ARVCF: variants seen among roughly 807,000 people sequenced by gnomAD.
The protein encoded by ARVCF is splicing regulator ARVCF.
Under a neutral mutation model 90.9 loss-of-function variants are expected in ARVCF, and 66 were observed. That is an observed-to-expected ratio of 0.73 (90% CI 0.60 to 0.89). The LOEUF (loss-of-function observed/expected upper bound fraction) is 0.89. Ranked by LOEUF, ARVCF falls within the 40% of genes least tolerant of loss-of-function variation. ARVCF has a pLI of 0.00. For missense variants in ARVCF, 1,469 were observed against 1,382.3 expected (o/e 1.06, Z -1.00); for synonymous variants, 653 against 603.4 (o/e 1.08, Z -1.21).
At chr22:19,973,423 C>T in intron 13 of ARVCF, 106 bp from the exon 14 acceptor site, 2 of 1,402,766 alleles carry the variant, frequency 1.4e-6, no homozygotes, top group African/African-American at 2.9e-5. Context: ...CCCCTGGAGA[C>T]CGCCTGTGTG....
chr22:19,973,600 G>A, intron 13 of ARVCF, 43 bp downstream of exon 13: 2 of 1,573,564 alleles, frequency 1.3e-6, no homozygotes, highest in Non-Finnish European at 1.7e-6. Context: ...AAAGCTGCAG[G>A]CACAGTTCGG....
At chr22:20,007,800 T>C (rs1410649123) in intron 2 of ARVCF, among the ~76,000 whole-genome samples, 1 of 152,230 alleles carries the variant, frequency 6.6e-6, no homozygotes, top group Non-Finnish European at 1.5e-5. Flanking sequence ...GACTTCCCCA[T>C]CTCCAAAATT....
rs80071779 is a variant in ARVCF at position 19,981,031 on chromosome 22, C to T, written c.896+180G>A. On this transcript the variant is annotated intron_variant, in intron 5 of 19. Transcript: ENST00000263207. ...CTGGGCCTGCAGGACAGTGCCCAGC[C>T]GAACTCCTACCACCCCAGGGTCCAC... 4,510 of 799,520 alleles carry T rather than the reference C, an allele frequency of 5.6e-3. 151 individuals are homozygous for T. The African/African-American group carries it at 0.068, about 12-fold the overall frequency. 49.5% of individuals were successfully genotyped at this position (799,520 alleles called of 1,614,324 possible).
rs1367788330 is a variant in ARVCF at position 19,970,103 on chromosome 22, C to G, written c.*653G>C. On this transcript the variant is annotated 3_prime_UTR_variant, in exon 20 of 20. Transcript: ENST00000263207. ...AGGCTCCAGGCAGATGCGGCAGCCC[C>G]GGCCCCAGCCAGCATGGGCTGGAGA... The G allele has an allele frequency of 4.1e-6, 4 of 985,542 alleles. No homozygotes were observed. The highest frequency in any genetic ancestry group is 4.8e-6 in the Non-Finnish European group (4 of 829,978). The allele number at this position is 985,542 out of a possible 1,614,324, so 61.0% of individuals were successfully genotyped here. A position where few individuals can be genotyped will look rare whatever the true frequency, so the allele number is the denominator to read the frequency against.
chr22:19,988,751 A>G (rs1943914202), intron 3 of ARVCF, among the ~76,000 whole-genome samples: 2 of 152,326 alleles, frequency 1.3e-5, no homozygotes, highest in South Asian at 4.1e-4. Flanking sequence ...TGGCCAGCCC[A>G]AGGAGGCCCT....
chr22:19,992,157 A>C (rs538631639), intron 2 of ARVCF, among the ~76,000 whole-genome samples: 4 of 152,172 alleles, frequency 2.6e-5, no homozygotes, highest in Non-Finnish European at 4.4e-5. Context: ...GCCCAGCCCC[A>C]CCGACAGCTG....
At chr22:19,982,244 T>C (rs928256321) in intron 3 of ARVCF, among the ~76,000 whole-genome samples, 153 bp from the exon 4 acceptor site, 1 of 152,140 alleles carries the variant, frequency 6.6e-6, no homozygotes, top group Non-Finnish European at 1.5e-5. Context: ...CCAAGGCCTG[T>C]TTCGGCCCAA....
intron 4 of ARVCF, 32 bp from the exon 5 acceptor site, chr22:19,981,769 G>A (rs779297348): frequency 6.5e-6 from 10 of 1,550,256 alleles, no homozygotes; most frequent in Non-Finnish European, 3.5e-6. Flanking sequence ...AGGTGGGGTA[G>A]CACGAGAGGC....
At chr22:19,973,893 G>A (rs1942996671) in intron 12 of ARVCF, 100 bp from the exon 13 acceptor site, 1 of 1,506,678 alleles carries the variant, frequency 6.6e-7, no homozygotes, top group Non-Finnish European at 8.9e-7. Context: ...CTGCTCCCGT[G>A]CCCGACAAAG....
Position 19,971,314 on chromosome 22 carries a change from G to T in ARVCF, c.2803C>A (p.Pro935Thr). 6.4e-7 allele frequency: 1 copy of T among 1,555,142 alleles called. No homozygotes were observed. Among genetic ancestry groups the T allele is most frequent in the South Asian group, 1.2e-5 (1 of 84,482 alleles). ...PLKLDPSRKA[P>T]PPGPSRPAVR... is the part of the protein sequence containing the mutation. The stretch of plus-strand genomic sequence containing the variant: ...GCGGGCCTGCTGGGCCCGGGGGGAG[G>T]GGCCTTCCTGCTGGGGTCGAGCTGC... The change falls in exon 19 of 20, where the codon CCT becomes ACT. Residue 935 changes from proline to threonine, a missense_variant. Pro to Thr is a conservative substitution (Grantham distance 38). Coordinates refer to ENST00000263207, the MANE Select transcript of ARVCF (RefSeq NM_001670.3).
intron 2 of ARVCF, among the ~76,000 whole-genome samples, chr22:19,998,872 T>C (rs1472644271): frequency 6.6e-6 from 1 of 152,162 alleles, no homozygotes; most frequent in Non-Finnish European, 1.5e-5. Context: ...CTCAGTTTAC[T>C]GTCCTCTCAC....
intron 15 of ARVCF, 35 bp from the exon 16 acceptor site, chr22:19,972,862 G>C (rs1942900479): frequency 6.2e-7 from 1 of 1,613,554 alleles, no homozygotes; most frequent in Non-Finnish European, 8.5e-7. Flanking sequence ...GGTGGGTGAA[G>C]CACATGGAGT....
In ARVCF at chr22:19,973,287, TTCCGCACAAGC is replaced by T. The variant is rs1942949148; in HGVS notation, c.2259_2269del (p.Leu754CysfsTer36). 2.5e-6 allele frequency: 4 copies of T among 1,606,008 alleles called. No homozygotes were observed. Among genetic ancestry groups the T allele is most frequent in the Non-Finnish European group, 3.4e-6 (4 of 1,178,676 alleles). ...CGGCGGAGCCTGTGCATTGCGCACATTCCGCACAAGCTCAGCCATGGCGTAGCTCCCTGAGG... is the reference window on the plus strand; with the variant it reads ...CGGCGGAGCCTGTGCATTGCGCACATTCAGCCATGGCGTAGCTCCCTGAGG... On this transcript the variant is annotated frameshift_variant, in exon 14 of 20. Coordinates refer to ENST00000263207, the MANE Select transcript of ARVCF (RefSeq NM_001670.3). LOFTEE classifies it high-confidence loss of function.
chr22:19,970,655 A>AG lies in ARVCF; in HGVS notation c.*100dup. The AG allele has an allele frequency of 7.8e-7, 1 of 1,284,634 alleles. No individual in the cohort carries two copies. Among genetic ancestry groups the AG allele is most frequent in the Non-Finnish European group, 1.0e-6 (1 of 986,614 alleles). The allele number at this position is 1,284,634 out of a possible 1,614,324, so 79.6% of individuals were successfully genotyped here. On this transcript the variant is annotated 3_prime_UTR_variant, in exon 20 of 20. Transcript: ENST00000263207. ...CGAGGCGCTGCCAACCCCTGCCGCC[A>AG]GGGGGCTCCAAGCTCCACGGCACGA...
chr22:19,992,963 G>A (rs916966233), intron 2 of ARVCF, among the ~76,000 whole-genome samples: 2 of 152,168 alleles, frequency 1.3e-5, no homozygotes, highest in Non-Finnish European at 2.9e-5. Context: ...CAAACCCCAC[G>A]ATGACCTTCT....
intron 15 of ARVCF, 28 bp from the exon 16 acceptor site, chr22:19,972,855 G>T: frequency 6.2e-7 from 1 of 1,613,654 alleles, no homozygotes; most frequent in Non-Finnish European, 8.5e-7. Flanking sequence ...GACACAGGGT[G>T]GGTGAAGCAC....
At chr22:19,985,559 G>A (rs1223616288) in intron 3 of ARVCF, among the ~76,000 whole-genome samples, 10 of 152,376 alleles carry the variant, frequency 6.6e-5, no homozygotes, top group Admixed American at 5.9e-4. Flanking sequence ...GTCGTGGGAC[G>A]TGCTGGGTAG....
chr22:19,973,085 GGCT>G, intron 14 of ARVCF, 31 bp downstream of exon 14: 1 of 1,133,398 alleles, frequency 8.8e-7, no homozygotes, highest in East Asian at 3.5e-5. Flanking sequence ...CCACCTCCGC[GGCT>G]CCCCAAGCCA....
At chr22:20,013,873 ATTTT>A (rs887081282) in intron 1 of ARVCF, among the ~76,000 whole-genome samples, 4 of 151,068 alleles carry the variant, frequency 2.6e-5, no homozygotes, top group Non-Finnish European at 5.9e-5. Flanking sequence ...TTTTGTGGGT[ATTTT>A]TTTTTCTTTT....
Sources: gnomAD v4.1 joint callset for allele counts (sites outside exome capture counted in the v4.1 genomes callset) on GRCh38, gnomAD v4.1.1 for gene constraint, MANE v1.5 for transcripts, NCBI Gene and HGNC (gene_info 2026-07-23, HGNC 2026-07-21) for gene names.